ARHGAP39: variants seen among roughly 807,000 people sequenced by gnomAD.
ARHGAP39 encodes the protein rho GTPase-activating protein 39.
In ARHGAP39, 44 loss-of-function variants were observed where a neutral mutation model predicts 106.9. That is an observed-to-expected ratio of 0.41 (90% confidence interval 0.32 to 0.53). The LOEUF is 0.53. ARHGAP39 is among the 20% of genes least tolerant of loss of function. The pLI is 0.21. For synonymous variants in ARHGAP39, 768 were observed against 693.2 expected, an observed-to-expected ratio of 1.11 and a Z score of -1.69; for missense variants, 1,496 against 1,577.3, an observed-to-expected ratio of 0.95 and a Z score of 0.87.
the ARHGAP39 span, among the ~76,000 whole-genome samples, chr8:144,696,314 T>TGTCTCTACAAAACCCC: frequency 0.03 from 4,533 of 152,202 alleles, 213 homozygotes; most frequent in African/African-American, 0.1. Flanking sequence ...AATTTTTGTA[T>TGTCTCTACAAAACCCC]GTTTAGTAGA....
At chr8:144,593,766 C>A (rs896167283) in intron 2 of ARHGAP39, among the ~76,000 whole-genome samples, 1 of 151,912 alleles carries the variant, frequency 6.6e-6, no homozygotes, top group South Asian at 2.1e-4. Context: ...CTCCCGTCTG[C>A]GCAACAGAGT....
At chr8:144,587,749 G>C (rs1201832063) in intron 2 of ARHGAP39, among the ~76,000 whole-genome samples, 3 of 151,710 alleles carry the variant, frequency 2.0e-5, no homozygotes, top group Non-Finnish European at 4.4e-5. Context: ...CTGCCTCCCA[G>C]GTTCAAGTGA....
chr8:144,597,959 G>A (rs1334592326), intron 2 of ARHGAP39, among the ~76,000 whole-genome samples: 10 of 152,158 alleles, frequency 6.6e-5, no homozygotes, highest in African/African-American at 2.4e-4. Context: ...AGAAAAGGCC[G>A]GAGGAGATTC....
chr8:144,546,469 G>A (rs1426540436), intron 5 of ARHGAP39, among the ~76,000 whole-genome samples: 1 of 152,212 alleles, frequency 6.6e-6, no homozygotes, highest in African/African-American at 2.4e-5. Flanking sequence ...GAAGCTCCCT[G>A]TGTTCCTCCT....
intron 4 of ARHGAP39, among the ~76,000 whole-genome samples, chr8:144,552,798 T>TC (rs760704444): frequency 9.2e-5 from 14 of 152,150 alleles, no homozygotes; most frequent in Non-Finnish European, 2.1e-4. Context: ...GTTTATAATT[T>TC]CTTTTTTTTT....
intron 1 of ARHGAP39, among the ~76,000 whole-genome samples, chr8:144,667,392 C>G (rs139346678): frequency 6.6e-6 from 1 of 152,218 alleles, no homozygotes; most frequent in Admixed American, 6.5e-5. Flanking sequence ...GACCCCACCC[C>G]CTTCCCAATC....
chr8:144,560,574 AG>A (rs1486717119), intron 3 of ARHGAP39, among the ~76,000 whole-genome samples: 4 of 152,262 alleles, frequency 2.6e-5, no homozygotes, highest in Non-Finnish European at 4.4e-5. Context: ...ATATAGGCAA[AG>A]ACATCTATAA....
chr8:144,641,493 G>A lies in ARHGAP39; in HGVS notation c.-81-35798C>T, dbSNP rs1326631365. On this transcript the variant is annotated intron_variant, in intron 1 of 11. Coordinates refer to ENST00000377307, the MANE Select transcript of ARHGAP39 (RefSeq NM_025251.3). The surrounding 1 kb of genome is among the most constrained non-coding windows in gnomAD (Gnocchi z 5.2). ...CAGGTGGCCAACTCCCGAGGCAGGA[G>A]CTCAGGCAGGGCCCTGGCAGCACCA... 6.6e-6 allele frequency among the ~76,000 whole-genome samples: 1 copy of A among 152,000 alleles called. No homozygotes were observed. Among genetic ancestry groups the A allele is most frequent in the East Asian group, 1.9e-4 (1 of 5,130 alleles).
intron 1 of ARHGAP39, among the ~76,000 whole-genome samples, chr8:144,662,604 C>T (rs1191278485): frequency 6.6e-6 from 1 of 151,230 alleles, no homozygotes; most frequent in Non-Finnish European, 1.5e-5. Context: ...CTCTCCCTCC[C>T]GATTATCCAC....
chr8:144,664,014 AC>A (rs1821899674), intron 1 of ARHGAP39, among the ~76,000 whole-genome samples: 1 of 152,006 alleles, frequency 6.6e-6, no homozygotes, highest in African/African-American at 2.4e-5. Flanking sequence ...GAAAAATACA[AC>A]AATTAGCCGG....
chr8:144,602,811 C>CGT (rs529912998), intron 2 of ARHGAP39, among the ~76,000 whole-genome samples: 1,309 of 81,852 alleles, frequency 0.016, 29 homozygotes, highest in Admixed American at 0.041. Context: ...TGCATGGAGG[C>CGT]GTGTGTGCTC....
chr8:144,550,320 C>A (rs1288546127), intron 4 of ARHGAP39, among the ~76,000 whole-genome samples: 1 of 152,058 alleles, frequency 6.6e-6, no homozygotes, highest in African/African-American at 2.4e-5. Context: ...AGGAATTTGG[C>A]CAGGTGTGGT....
At position 144,585,304 on chromosome 8, in the gene ARHGAP39, C is replaced by T. The variant is rs1198073992; in HGVS notation, c.81-4027G>A. Among the ~76,000 whole-genome samples the T allele has an allele frequency of 6.6e-6, 1 of 152,040 alleles. No individual in the cohort carries two copies. Among genetic ancestry groups the T allele is most frequent in the Non-Finnish European group, 1.5e-5 (1 of 67,998 alleles). On this transcript the variant is annotated intron_variant, in intron 2 of 11. Transcript: ENST00000377307. The surrounding 1 kb of genome is among the most constrained non-coding windows in gnomAD (Gnocchi z 4.6). ...TTCTCTCCATGGACATCCCAAATCA[C>T]CACAGAGAACCTGAGGGGCCAGCCA...
In ARHGAP39 at chr8:144,604,155, A is replaced by G. The variant is rs1332407249; in HGVS notation, c.80+1380T>C. Among the ~76,000 whole-genome samples, 2 of 152,208 alleles carry G rather than the reference A, an allele frequency of 1.3e-5. No individual in the cohort carries two copies. The highest frequency in any genetic ancestry group is 4.8e-5 in the African/African-American group (2 of 41,446). On this transcript the variant is annotated intron_variant, in intron 2 of 11. Transcript: ENST00000377307. The surrounding 1 kb of genome is among the most constrained non-coding windows in gnomAD (Gnocchi z 4.1). Reference sequence around the variant, plus strand: ...ACCACACAGGGAGGCACAAAGCATCAGACACGGAGCCGGGCCCAGAGCGCC... The same window carrying G: ...ACCACACAGGGAGGCACAAAGCATCGGACACGGAGCCGGGCCCAGAGCGCC...
At chr8:144,637,668 T>C (rs1821204928) in intron 1 of ARHGAP39, among the ~76,000 whole-genome samples, 1 of 152,170 alleles carries the variant, frequency 6.6e-6, no homozygotes, top group Admixed American at 6.5e-5. Flanking sequence ...TAGAGATGTG[T>C]TTACGTTTTG....
At chr8:144,602,101 G>C (rs868627039) in intron 2 of ARHGAP39, among the ~76,000 whole-genome samples, 1 of 145,320 alleles carries the variant, frequency 6.9e-6, no homozygotes, top group Admixed American at 6.9e-5. Flanking sequence ...GTGTGTGCTC[G>C]TGTACCTGTG....
intron 2 of ARHGAP39, among the ~76,000 whole-genome samples, chr8:144,589,831 G>T (rs1563690970): frequency 6.6e-6 from 1 of 152,220 alleles, no homozygotes; most frequent in African/African-American, 2.4e-5. Context: ...TGGGGGCTCA[G>T]GCCAGGCCCC....
chr8:144,650,456 A>G (rs982478873), intron 1 of ARHGAP39, among the ~76,000 whole-genome samples: 2 of 152,196 alleles, frequency 1.3e-5, no homozygotes, highest in African/African-American at 4.8e-5. Context: ...AACAAAAAAT[A>G]TATATATTCA....
intron 1 of ARHGAP39, among the ~76,000 whole-genome samples, chr8:144,660,908 T>A (rs1821805748): frequency 6.6e-6 from 1 of 151,940 alleles, no homozygotes; most frequent in African/African-American, 2.4e-5. Context: ...TGCTTGAACC[T>A]GGGAGGTGGA....
Sources: allele counts gnomAD v4.1 joint callset (sites outside exome capture counted in the v4.1 genomes callset), GRCh38; gene constraint gnomAD v4.1.1; non-coding constraint Gnocchi (gnomAD v3.1); transcripts MANE v1.5; gene names NCBI Gene and HGNC (gene_info 2026-07-23, HGNC 2026-07-21).